Variants in MAPK10 observed in about 807,000 individuals in gnomAD.
The protein encoded by MAPK10 is JNK3 alpha protein kinase.
A neutral mutation model predicts 59.3 loss-of-function variants in MAPK10; 25 were observed. The observed-to-expected ratio is 0.42, with a 90% CI of 0.31 to 0.59. The LOEUF (loss-of-function observed/expected upper bound fraction) is 0.59, where lower values mean the gene tolerates loss of function less well. MAPK10 is among the 20% of genes least tolerant of loss of function. The pLI, the probability that MAPK10 is intolerant of heterozygous loss-of-function variation, is 0.15. For missense variants in MAPK10, 351 were observed against 568.9 expected (o/e 0.62, Z 3.90); for synonymous variants, 190 against 200.5 (o/e 0.95, Z 0.44).
Position 86,316,101 on chromosome 4 carries a change from C to T in MAPK10, c.-7+38429G>A, listed in dbSNP as rs79323115. Among the ~76,000 whole-genome samples, 772 of 152,174 alleles carry T rather than the reference C, an allele frequency of 5.1e-3. 6 individuals carry two copies. Among genetic ancestry groups the T allele is most frequent in the African/African-American group, 0.017 (721 of 41,510 alleles). Reference sequence around the variant, plus strand: ...CTGTAACAAACACTGTTGCTACTCCCTAATGCTGATGTTACACTGAAATTT... The same window carrying T: ...CTGTAACAAACACTGTTGCTACTCCTTAATGCTGATGTTACACTGAAATTT... On this transcript the variant is annotated intron_variant, in intron 2 of 13. Transcript: ENST00000641462.
intron 1 of MAPK10, among the ~76,000 whole-genome samples, chr4:86,521,494 G>A (rs1757106654): frequency 1.3e-5 from 2 of 152,080 alleles, no homozygotes; most frequent in African/African-American, 4.8e-5. Context: ...TCGGGGATGG[G>A]GGTGGTTCTC....
intron 2 of MAPK10, among the ~76,000 whole-genome samples, chr4:86,256,884 GCGCCCGC>G (rs551050484): frequency 0.33 from 49,152 of 149,684 alleles, 10,865 homozygotes; most frequent in African/African-American, 0.64. Flanking sequence ...GGGACTACAG[GCGCCCGC>G]CATTGCGCCC....
intron 4 of MAPK10, among the ~76,000 whole-genome samples, chr4:86,143,830 T>C (rs559190941): frequency 3.3e-5 from 5 of 152,200 alleles, no homozygotes; most frequent in Non-Finnish European, 7.3e-5. Flanking sequence ...CAACATCTTA[T>C]TAATACACAT....
intron 8 of MAPK10, chr4:86,100,098 C>A (rs1045055382): frequency 2.6e-5 from 4 of 152,094 alleles, no homozygotes; most frequent in African/African-American, 7.2e-5. Flanking sequence ...CATAAAAATA[C>A]ACTGATTATT....
intron 1 of MAPK10, among the ~76,000 whole-genome samples, chr4:86,396,219 C>T (rs1037524602): frequency 2.0e-5 from 3 of 152,122 alleles, no homozygotes; most frequent in African/African-American, 7.2e-5. Context: ...TGGTGGCGGG[C>T]GCCTGTAGTC....
chr4:86,358,477 CAGGG>C, intron 1 of MAPK10: 12 of 592,122 alleles, frequency 2.0e-5, no homozygotes, highest in South Asian at 7.5e-5. Context: ...CAGAAGCAGG[CAGGG>C]CTGCTGTACA....
chr4:86,410,630 G>C (rs1039898400), intron 1 of MAPK10, among the ~76,000 whole-genome samples: 6 of 152,114 alleles, frequency 3.9e-5, no homozygotes, highest in Non-Finnish European at 7.4e-5. Context: ...TTTAGTCTTG[G>C]GAGTGTGTAT....
intron 1 of MAPK10, among the ~76,000 whole-genome samples, chr4:86,498,723 ACT>A (rs1221194633): frequency 6.6e-6 from 1 of 152,126 alleles, no homozygotes; most frequent in Non-Finnish European, 1.5e-5. Context: ...AGGGTACACC[ACT>A]CTGTTGCTGC....
chr4:86,581,243 C>A (rs867888717), intron 1 of MAPK10, among the ~76,000 whole-genome samples: 2 of 150,910 alleles, frequency 1.3e-5, no homozygotes, highest in African/African-American at 2.4e-5. Flanking sequence ...TATGGACATA[C>A]CCTTGTCTGA....
chr4:86,483,498 A>G (rs1753756169), intron 1 of MAPK10, among the ~76,000 whole-genome samples: 1 of 152,130 alleles, frequency 6.6e-6, no homozygotes, highest in Non-Finnish European at 1.5e-5. Flanking sequence ...AAATATGTTC[A>G]AAGAAACAAA....
chr4:86,218,716 T>C (rs1360819666), intron 2 of MAPK10, among the ~76,000 whole-genome samples: 1 of 152,136 alleles, frequency 6.6e-6, no homozygotes, highest in African/African-American at 2.4e-5. Context: ...TGAAATGTCA[T>C]CTTGAATCCT....
chr4:86,553,845 C>T (rs1016750097), intron 1 of MAPK10, among the ~76,000 whole-genome samples: 1 of 152,142 alleles, frequency 6.6e-6, no homozygotes, highest in East Asian at 1.9e-4. Flanking sequence ...TCTCTAAGTG[C>T]CCCACAGTTT....
intron 3 of MAPK10, among the ~76,000 whole-genome samples, chr4:86,162,836 T>A (rs1265694087): frequency 6.6e-6 from 1 of 152,104 alleles, no homozygotes; most frequent in Non-Finnish European, 1.5e-5. Context: ...GAACCTTCCT[T>A]TTCACTGGTT....
chr4:86,372,550 A>C (rs1738957903), intron 1 of MAPK10, among the ~76,000 whole-genome samples: 1 of 23,826 alleles, frequency 4.2e-5, no homozygotes. Flanking sequence ...GAAAGAAAGA[A>C]AGAAAGAAAG....
rs1736240035 is a variant in MAPK10, at chr4:86,359,308, G to C, written c.-122+350C>G. Among the ~76,000 whole-genome samples the C allele has an allele frequency of 2.2e-5, 3 of 139,380 alleles. No homozygotes were observed. The South Asian group carries it at 7.6e-4, about 35-fold the overall frequency. 91.4% of individuals were successfully genotyped at this position (139,380 alleles called of 152,430 possible). A position where few individuals can be genotyped will look rare whatever the true frequency, so the allele number is the denominator to read the frequency against. The stretch of plus-strand genomic sequence containing the variant: ...TCTCTCTGTGTGTGTGTGTGTGTGT[G>C]TGTGTGTGTGTGTGTGTGTGTGTTT... On this transcript the variant is annotated intron_variant, in intron 1 of 13. Transcript: ENST00000641462.
intron 2 of MAPK10, among the ~76,000 whole-genome samples, chr4:86,222,442 A>C (rs2089839404): frequency 1.3e-5 from 2 of 152,090 alleles, no homozygotes; most frequent in Non-Finnish European, 2.9e-5. Flanking sequence ...TGACTGTGCA[A>C]TGCAAGGTAC....
chr4:86,328,172 C>T (rs1159913209), intron 2 of MAPK10, among the ~76,000 whole-genome samples: 2 of 151,846 alleles, frequency 1.3e-5, no homozygotes, highest in Non-Finnish European at 2.9e-5. Flanking sequence ...AACAAACAAC[C>T]CCATCAAAAA....
chr4:86,554,623 T>C (rs1305514371), intron 1 of MAPK10, among the ~76,000 whole-genome samples: 3 of 152,204 alleles, frequency 2.0e-5, no homozygotes, highest in Admixed American at 2.0e-4. Flanking sequence ...CAATTCAGGC[T>C]CTTACGATTT....
chr4:86,452,190 A>G (rs1245153438), intron 1 of MAPK10, among the ~76,000 whole-genome samples: 1 of 152,206 alleles, frequency 6.6e-6, no homozygotes, highest in African/African-American at 2.4e-5. Flanking sequence ...CCAAGGAAGA[A>G]CTAAAGCCAT....
Sources: allele counts gnomAD v4.1 joint callset (sites outside exome capture counted in the v4.1 genomes callset), GRCh38; gene constraint gnomAD v4.1.1; transcripts MANE v1.5; gene names NCBI Gene and HGNC (gene_info 2026-07-23, HGNC 2026-07-21).